LRBA: variants seen among roughly 807,000 people sequenced by gnomAD.
The protein encoded by LRBA is LPS responsive beige-like anchor protein.
In LRBA, 176 loss-of-function variants were observed where a neutral mutation model predicts 330.0. The observed-to-expected ratio is 0.53, with a 90% CI of 0.47 to 0.60. The LOEUF (loss-of-function observed/expected upper bound fraction) is 0.60. Among genes scored for constraint, LRBA ranks in the 20% least tolerant of loss-of-function variants. LRBA has a pLI of 0.00. For synonymous variants in LRBA, 1,230 were observed against 1,193.0 expected, an observed-to-expected ratio of 1.03 and a Z score of -0.64; for missense variants, 3,259 against 3,444.8, an observed-to-expected ratio of 0.95 and a Z score of 1.35.
At chr4:150,364,466 C>T (rs1739153993) in intron 47 of LRBA, among the ~76,000 whole-genome samples, 1 of 151,794 alleles carries the variant, frequency 6.6e-6, no homozygotes, top group African/African-American at 2.4e-5. Flanking sequence ...CCAGATTTCT[C>T]TGACTCCTAA....
chr4:150,278,090 C>A, intron 55 of LRBA, 86 bp from the exon 56 acceptor site: 1 of 1,151,284 alleles, frequency 8.7e-7, no homozygotes. Flanking sequence ...CTTACACCAG[C>A]TACTACGGTG....
intron 35 of LRBA, among the ~76,000 whole-genome samples, chr4:150,742,737 A>T (rs1387985649): frequency 6.6e-6 from 1 of 152,062 alleles, no homozygotes; most frequent in Non-Finnish European, 1.5e-5. Context: ...AAAAACACCA[A>T]AAACAACAAA....
intron 36 of LRBA, among the ~76,000 whole-genome samples, chr4:150,684,624 C>T (rs1190606622): frequency 1.3e-5 from 2 of 152,008 alleles, no homozygotes; most frequent in Admixed American, 6.6e-5. Context: ...TTTTGGAATT[C>T]GGATACTTGT....
chr4:150,715,414 C>T lies in LRBA; in HGVS notation c.5754+19844G>A, dbSNP rs893814301. ...ATTAAGAATTAAAAAGAAAGTGTGG[C>T]TATGTGCAAAGATGTAATAAATAAA... On this transcript the variant is annotated intron_variant, in intron 36 of 56. Transcript: ENST00000651943. Among the ~76,000 whole-genome samples the T allele has an allele frequency of 2.6e-5, 4 of 152,044 alleles. No individual in the cohort carries two copies. In the East Asian group the frequency reaches 7.7e-4, roughly 29 times the overall value.
chr4:150,393,962 T>C (rs1279565327), intron 47 of LRBA, among the ~76,000 whole-genome samples: 1 of 151,802 alleles, frequency 6.6e-6, no homozygotes, highest in African/African-American at 2.4e-5. Context: ...AATAAGTAAC[T>C]TCAGATGCCC....
At chr4:150,381,941 G>A (rs1375184795) in intron 47 of LRBA, among the ~76,000 whole-genome samples, 1 of 152,122 alleles carries the variant, frequency 6.6e-6, no homozygotes, top group Admixed American at 6.5e-5. Flanking sequence ...GTGCCTTTTG[G>A]CCATTCAGAT....
At chr4:150,827,588 T>C (rs571301056) in intron 30 of LRBA, among the ~76,000 whole-genome samples, 90 of 151,976 alleles carry the variant, frequency 5.9e-4, no homozygotes, top group African/African-American at 2.0e-3. Flanking sequence ...TTCTTCCTTA[T>C]GATTTCTTTT....
intron 36 of LRBA, among the ~76,000 whole-genome samples, chr4:150,731,130 G>A (rs1730397308): frequency 6.6e-6 from 1 of 152,158 alleles, no homozygotes; most frequent in African/African-American, 2.4e-5. Context: ...GTATCCAAAA[G>A]TCAGGTAATA....
At chr4:150,975,180 T>C (rs1368704933) in intron 2 of LRBA, among the ~76,000 whole-genome samples, 2 of 152,092 alleles carry the variant, frequency 1.3e-5, no homozygotes, top group Non-Finnish European at 2.9e-5. Flanking sequence ...GGAATTACCA[T>C]GGAAAGAGTT....
intron 37 of LRBA, among the ~76,000 whole-genome samples, chr4:150,614,914 A>T (rs971634994): frequency 2.0e-5 from 3 of 152,260 alleles, no homozygotes; most frequent in African/African-American, 7.2e-5. Context: ...CATATCTGTG[A>T]CAGATGACAA....
chr4:150,607,793 T>C (rs1334213220), intron 37 of LRBA, among the ~76,000 whole-genome samples: 1 of 151,792 alleles, frequency 6.6e-6, no homozygotes, highest in Non-Finnish European at 1.5e-5. Context: ...TCCCAGCACT[T>C]TGGGAGGCTG....
chr4:150,818,480 C>T (rs945872341), intron 30 of LRBA, among the ~76,000 whole-genome samples: 4 of 150,612 alleles, frequency 2.7e-5, no homozygotes, highest in Admixed American at 6.6e-5. Context: ...ATCACAGCAG[C>T]TTATATCAGA....
intron 30 of LRBA, among the ~76,000 whole-genome samples, chr4:150,821,822 GGC>G (rs1214142756): frequency 6.6e-6 from 1 of 152,066 alleles, no homozygotes; most frequent in African/African-American, 2.4e-5. Flanking sequence ...CAAGAATTTT[GGC>G]ATGGGAATGA....
At chr4:150,820,105 A>G (rs1212808851) in intron 30 of LRBA, among the ~76,000 whole-genome samples, 3 of 152,070 alleles carry the variant, frequency 2.0e-5, no homozygotes, top group Non-Finnish European at 4.4e-5. Context: ...AGATAAATGC[A>G]CTGACAATAT....
intron 33 of LRBA, among the ~76,000 whole-genome samples, chr4:150,801,404 T>C (rs1001665813): frequency 6.6e-6 from 1 of 152,220 alleles, no homozygotes; most frequent in African/African-American, 2.4e-5. Context: ...ATCCAACATT[T>C]TGGAAAAATT....
intron 37 of LRBA, among the ~76,000 whole-genome samples, chr4:150,623,820 T>A (rs1216813468): frequency 6.6e-6 from 1 of 152,120 alleles, no homozygotes; most frequent in Non-Finnish European, 1.5e-5. Flanking sequence ...CTAACAAAAA[T>A]TTTAAAATAA....
At chr4:150,397,165 G>A (rs535642491) in intron 47 of LRBA, among the ~76,000 whole-genome samples, 4 of 151,904 alleles carry the variant, frequency 2.6e-5, no homozygotes, top group African/African-American at 7.2e-5. Flanking sequence ...TCTTTTCTCC[G>A]AATTCTAAAA....
intron 40 of LRBA, among the ~76,000 whole-genome samples, chr4:150,498,399 G>A (rs536598129): frequency 6.6e-6 from 1 of 152,086 alleles, no homozygotes; most frequent in East Asian, 1.9e-4. Flanking sequence ...AAAGCCAAAC[G>A]TAGTAATGAA....
chr4:150,637,413 G>C (rs979579549), intron 37 of LRBA, among the ~76,000 whole-genome samples: 3 of 152,166 alleles, frequency 2.0e-5, no homozygotes, highest in Non-Finnish European at 4.4e-5. Context: ...TGTTGTGACA[G>C]ACAGCTCCAA....
Sources: allele counts gnomAD v4.1 joint callset (sites outside exome capture counted in the v4.1 genomes callset), GRCh38; gene constraint gnomAD v4.1.1; transcripts MANE v1.5; gene names NCBI Gene and HGNC (gene_info 2026-07-23, HGNC 2026-07-21).